Variants in TNNI3K observed in about 807,000 individuals in gnomAD.
TNNI3K encodes serine/threonine-protein kinase TNNI3K.
Under a neutral mutation model 114.5 loss-of-function variants are expected in TNNI3K, and 140 were observed. That is an observed-to-expected ratio of 1.22 (90% confidence interval 1.07 to 1.41). The LOEUF (loss-of-function observed/expected upper bound fraction) is 1.41. TNNI3K is among the 40% of genes most tolerant of loss of function. The pLI, the probability that TNNI3K is intolerant of heterozygous loss-of-function variation, is 0.00. For synonymous variants in TNNI3K, 347 were observed against 347.5 expected, an observed-to-expected ratio of 1.00 and a Z score of 0.02; for missense variants, 1,125 against 1,007.6, an observed-to-expected ratio of 1.12 and a Z score of -1.58.
chr1:74,509,449 CAA>C (rs1189290618), intron 23 of TNNI3K, among the ~76,000 whole-genome samples: 1 of 152,156 alleles, frequency 6.6e-6, no homozygotes, highest in Non-Finnish European at 1.5e-5. Flanking sequence ...TGAGAACTAA[CAA>C]ATCTAAATTT....
intron 23 of TNNI3K, among the ~76,000 whole-genome samples, chr1:74,502,166 A>T (rs1243025055): frequency 6.6e-6 from 1 of 152,198 alleles, no homozygotes; most frequent in Non-Finnish European, 1.5e-5. Flanking sequence ...TTGGAGTGAT[A>T]ATCTTAGAAA....
chr1:74,263,360 A>G lies in TNNI3K; in HGVS notation c.334-8238A>G, dbSNP rs192305284. 1.2e-3 allele frequency among the ~76,000 whole-genome samples: 190 copies of G among 152,144 alleles called. 1 individual carries two copies. The highest frequency in any genetic ancestry group is 4.3e-3 in the African/African-American group (179 of 41,534). On this transcript the variant is annotated intron_variant, in intron 4 of 24. Transcript: ENST00000326637. ...ATCTCTGATAGTAATTATGAGCATCATCAAGGCAGAGACCAGATCCAAGTT... is the reference window on the plus strand; with the variant it reads ...ATCTCTGATAGTAATTATGAGCATCGTCAAGGCAGAGACCAGATCCAAGTT...
intron 17 of TNNI3K, among the ~76,000 whole-genome samples, chr1:74,414,492 A>G (rs901552274): frequency 6.6e-5 from 10 of 152,140 alleles, no homozygotes; most frequent in African/African-American, 2.4e-4. Flanking sequence ...TGCCTTTTAA[A>G]TTGTTGTGCT....
intron 21 of TNNI3K, chr1:74,468,847 A>G (rs1667785678): frequency 6.6e-6 from 1 of 152,132 alleles, no homozygotes; most frequent in South Asian, 2.1e-4. Flanking sequence ...TATGCTTCAA[A>G]TATTTTTTAC....
chr1:74,237,274 A>T (rs1653916222), intron 2 of TNNI3K, among the ~76,000 whole-genome samples: 1 of 151,954 alleles, frequency 6.6e-6, no homozygotes, highest in Non-Finnish European at 1.5e-5. Flanking sequence ...TGACTTTTGC[A>T]AGTAGTATCA....
At chr1:74,415,997 G>A (rs1665098724) in intron 17 of TNNI3K, among the ~76,000 whole-genome samples, 1 of 152,134 alleles carries the variant, frequency 6.6e-6, no homozygotes, top group South Asian at 2.1e-4. Flanking sequence ...TCATCAGTGT[G>A]GGAAGGGGAA....
chr1:74,357,086 C>G (rs557833120), intron 11 of TNNI3K, among the ~76,000 whole-genome samples: 94 of 152,240 alleles, frequency 6.2e-4, no homozygotes, highest in African/African-American at 2.2e-3. Flanking sequence ...GTGCACCTGT[C>G]CCCGTATCCT....
chr1:74,394,588 T>G (rs1190194505), intron 17 of TNNI3K, among the ~76,000 whole-genome samples: 1 of 152,136 alleles, frequency 6.6e-6, no homozygotes, highest in Non-Finnish European at 1.5e-5. Flanking sequence ...AGAAGTTTAG[T>G]CTAAGATGAA....
chr1:74,454,955 A>C (rs1667170332), intron 20 of TNNI3K, among the ~76,000 whole-genome samples: 1 of 152,076 alleles, frequency 6.6e-6, no homozygotes, highest in South Asian at 2.1e-4. Context: ...AATAATAAGC[A>C]CTCAGTAAAT....
At chr1:74,269,180 G>A (rs1656195481) in intron 4 of TNNI3K, among the ~76,000 whole-genome samples, 2 of 151,832 alleles carry the variant, frequency 1.3e-5, no homozygotes, top group African/African-American at 2.4e-5. Flanking sequence ...GTTTAAAATA[G>A]CCATCTAATC....
chr1:74,464,618 C>T, intron 21 of TNNI3K: 1 of 1,556,934 alleles, frequency 6.4e-7, no homozygotes, highest in Non-Finnish European at 8.7e-7. Context: ...TGCAAATTTT[C>T]CATTCTTTTC....
chr1:74,294,502 C>A (rs746472807), intron 5 of TNNI3K, among the ~76,000 whole-genome samples: 22 of 151,918 alleles, frequency 1.4e-4, no homozygotes, highest in Non-Finnish European at 2.4e-4. Context: ...TGATGTCATG[C>A]AAGTAGCTTA....
chr1:74,370,390 C>T lies in TNNI3K; in HGVS notation c.1770C>T (p.Asn590=). Residue 590 remains asparagine, a splice_region_variant and synonymous_variant, in exon 17 of 25, where the codon AAC becomes AAT. Transcript: ENST00000326637. The part of the protein sequence containing the change: ...LTQPIIHRDL[N]SHNILLYEDG... ...AGCCAATTATACATCGTGACTTGAA[C>T]AGGTATTTTTTTCCTAAATAATGAA... 6.2e-7 allele frequency: 1 copy of T among 1,603,336 alleles called. No individual in the cohort carries two copies. The highest frequency in any genetic ancestry group is 1.1e-5 in the South Asian group (1 of 89,700).
intron 17 of TNNI3K, among the ~76,000 whole-genome samples, chr1:74,432,592 A>C (rs1289733723): frequency 6.6e-6 from 1 of 152,096 alleles, no homozygotes; most frequent in Non-Finnish European, 1.5e-5. Flanking sequence ...ATGACATAGC[A>C]TCCAATCTCT....
intron 17 of TNNI3K, among the ~76,000 whole-genome samples, chr1:74,411,306 C>A (rs193023164): frequency 4.1e-4 from 62 of 152,256 alleles, no homozygotes; most frequent in African/African-American, 1.4e-3. Flanking sequence ...ATTTGGGATG[C>A]AGCTAAGTGC....
intron 17 of TNNI3K, among the ~76,000 whole-genome samples, chr1:74,417,374 C>G (rs1489771238): frequency 6.6e-6 from 1 of 152,060 alleles, no homozygotes; most frequent in Non-Finnish European, 1.5e-5. Flanking sequence ...AGGCCCATGT[C>G]CTCAAGAAGT....
chr1:74,387,114 A>C (rs1468589669), intron 17 of TNNI3K, among the ~76,000 whole-genome samples: 1 of 152,236 alleles, frequency 6.6e-6, no homozygotes, highest in Non-Finnish European at 1.5e-5. Flanking sequence ...CTGTAATTGT[A>C]TAATTTCCTA....
intron 5 of TNNI3K, among the ~76,000 whole-genome samples, chr1:74,328,577 A>AAACT (rs970343915): frequency 6.6e-6 from 1 of 152,118 alleles, no homozygotes; most frequent in African/African-American, 2.4e-5. Context: ...ATTTTAAAAC[A>AAACT]AACTAAGTAA....
At chr1:74,533,894 T>A (rs1646625984) in intron 23 of TNNI3K, among the ~76,000 whole-genome samples, 1 of 152,180 alleles carries the variant, frequency 6.6e-6, no homozygotes, top group African/African-American at 2.4e-5. Flanking sequence ...AAATGGAGTG[T>A]GTTTTAGTAG....
Sources: allele counts gnomAD v4.1 joint callset (sites outside exome capture counted in the v4.1 genomes callset), GRCh38; gene constraint gnomAD v4.1.1; transcripts MANE v1.5; gene names NCBI Gene and HGNC (gene_info 2026-07-23, HGNC 2026-07-21).